ZNF618: variants seen among roughly 807,000 people sequenced by gnomAD.
ZNF618 encodes neural precursor cell expressed, developmentally down-regulated 10.
In ZNF618, 34 loss-of-function variants were observed where a neutral mutation model predicts 103.0. That is an observed-to-expected ratio of 0.33 (90% CI 0.25 to 0.44). The LOEUF (loss-of-function observed/expected upper bound fraction) is 0.44, where lower values mean the gene tolerates loss of function less well. ZNF618 is among the 20% of genes least tolerant of loss of function. ZNF618 has a pLI of 1.00. For missense variants in ZNF618, 1,059 were observed against 1,295.4 expected, an observed-to-expected ratio of 0.82 and a Z score of 2.80; for synonymous variants, 551 against 542.2, an observed-to-expected ratio of 1.02 and a Z score of -0.23.
intron 1 of ZNF618, among the ~76,000 whole-genome samples, chr9:113,935,732 C>T (rs577115446): frequency 1.3e-5 from 2 of 152,254 alleles, no homozygotes; most frequent in Admixed American, 1.3e-4. Context: ...GGACTGCAAA[C>T]TCTTTGAGGG....
At chr9:114,034,546 T>G (rs1011641029) in intron 12 of ZNF618, among the ~76,000 whole-genome samples, 12 of 152,194 alleles carry the variant, frequency 7.9e-5, no homozygotes, top group African/African-American at 2.9e-4. Context: ...CACAGCCCCA[T>G]GGGGGTCAAT....
chr9:113,952,368 C>A (rs1346079460), intron 1 of ZNF618, among the ~76,000 whole-genome samples: 1 of 152,188 alleles, frequency 6.6e-6, no homozygotes, highest in Non-Finnish European at 1.5e-5. Flanking sequence ...CTGATCTGTC[C>A]TTTTGCTCAA....
At chr9:113,886,004 G>C (rs1162447131) in intron 1 of ZNF618, among the ~76,000 whole-genome samples, 2 of 152,184 alleles carry the variant, frequency 1.3e-5, no homozygotes, top group Non-Finnish European at 2.9e-5. Flanking sequence ...AGTGAAGTGA[G>C]CCCTTTGTCA....
rs760506188 is a variant in ZNF618, at chr9:114,049,885, C to T, written c.2583C>T (p.Pro861=). The change falls in exon 15 of 15, where the codon CCC becomes CCT. Residue 861 remains proline (P), a synonymous_variant. Transcript: ENST00000374126. ...KKPRSAAVEN[P]AAQEDDRLGK... is the part of the protein sequence containing the mutation. ...CCCGCTCTGCTGCCGTCGAGAACCCCGCAGCTCAGGAAGATGATCGGCTAG... is the reference window on the plus strand; with the variant it reads ...CCCGCTCTGCTGCCGTCGAGAACCCTGCAGCTCAGGAAGATGATCGGCTAG... 44 of 1,613,814 alleles carry T rather than the reference C, an allele frequency of 2.7e-5. No homozygotes were observed. The highest frequency in any genetic ancestry group is 1.6e-4 in the Middle Eastern group (1 of 6,084).
chr9:113,955,945 A>G (rs1014913894), intron 1 of ZNF618, among the ~76,000 whole-genome samples: 1 of 151,978 alleles, frequency 6.6e-6, no homozygotes, highest in African/African-American at 2.4e-5. Flanking sequence ...TCTGTCTGTA[A>G]AAGAGGAGCA....
intron 2 of ZNF618, among the ~76,000 whole-genome samples, chr9:113,984,434 G>A (rs990965997): frequency 1.3e-5 from 2 of 152,208 alleles, no homozygotes; most frequent in South Asian, 2.1e-4. Context: ...AACAGACAAG[G>A]AAACAGAGGC....
At chr9:113,958,774 C>T (rs1296327199) in intron 1 of ZNF618, among the ~76,000 whole-genome samples, 1 of 152,194 alleles carries the variant, frequency 6.6e-6, no homozygotes, top group Non-Finnish European at 1.5e-5. Context: ...CAGGCTTCGC[C>T]TTGCCTTAGC....
chr9:113,991,756 A>G (rs954598299), intron 3 of ZNF618, among the ~76,000 whole-genome samples: 1 of 152,136 alleles, frequency 6.6e-6, no homozygotes, highest in Non-Finnish European at 1.5e-5. Flanking sequence ...ACCTGTCTGG[A>G]CCTTGGTGTT....
At chr9:113,974,184 G>C (rs1838272303) in intron 2 of ZNF618, among the ~76,000 whole-genome samples, 1 of 152,250 alleles carries the variant, frequency 6.6e-6, no homozygotes, top group African/African-American at 2.4e-5. Context: ...AAGCAGAAGA[G>C]ATTGGGAGAG....
intron 13 of ZNF618, among the ~76,000 whole-genome samples, chr9:114,038,880 A>G (rs572542444): frequency 2.9e-4 from 44 of 152,232 alleles, no homozygotes; most frequent in Non-Finnish European, 5.1e-4. Context: ...TAAAAAAAGT[A>G]TCCAATAGCA....
chr9:114,055,313 A>G lies in ZNF618; in HGVS notation c.*5146A>G, dbSNP rs1173046329. 6.6e-6 allele frequency: 1 copy of G among 152,592 alleles called. No homozygotes were observed. Among genetic ancestry groups the G allele is most frequent in the Non-Finnish European group, 1.5e-5 (1 of 68,078 alleles). The allele number at this position is 152,592 out of a possible 1,614,324, so 9.5% of individuals were successfully genotyped here. On this transcript the variant is annotated 3_prime_UTR_variant, in exon 15 of 15. Transcript: ENST00000374126. The stretch of plus-strand genomic sequence containing the variant: ...GCATCCTACGCGGTGAAACGAGCTC[A>G]TGGACTGACCCGGGGCTGGGCCTCG...
intron 2 of ZNF618, among the ~76,000 whole-genome samples, chr9:113,981,485 A>G (rs1262656892): frequency 6.6e-6 from 1 of 152,224 alleles, no homozygotes; most frequent in Non-Finnish European, 1.5e-5. Flanking sequence ...AATCAACAGC[A>G]GAAATAGGAC....
intron 1 of ZNF618, among the ~76,000 whole-genome samples, chr9:113,948,742 T>C (rs1000128523): frequency 1.3e-5 from 2 of 152,150 alleles, no homozygotes; most frequent in South Asian, 4.1e-4. Context: ...GTCCCTGATG[T>C]TGAAGCAGTG....
At chr9:114,031,052 T>G (rs1180632267) in intron 11 of ZNF618, among the ~76,000 whole-genome samples, 1 of 152,144 alleles carries the variant, frequency 6.6e-6, no homozygotes, top group Non-Finnish European at 1.5e-5. Context: ...CTTGGAGGGT[T>G]AGGAGTACAT....
At chr9:113,932,977 G>A (rs902950375) in intron 1 of ZNF618, among the ~76,000 whole-genome samples, 4 of 152,170 alleles carry the variant, frequency 2.6e-5, no homozygotes, top group Admixed American at 6.5e-5. Context: ...CCTCAGACTC[G>A]GGGAGAGGAG....
intron 1 of ZNF618, among the ~76,000 whole-genome samples, chr9:113,882,947 G>A (rs1828669593): frequency 6.6e-6 from 1 of 152,182 alleles, no homozygotes; most frequent in African/African-American, 2.4e-5. Flanking sequence ...CCCAAACAAT[G>A]TGGACCCACA....
At chr9:113,918,748 T>C (rs1242643361) in intron 1 of ZNF618, among the ~76,000 whole-genome samples, 2 of 152,184 alleles carry the variant, frequency 1.3e-5, no homozygotes, top group Non-Finnish European at 2.9e-5. Flanking sequence ...TGTCATTCTT[T>C]GAGCATTTCT....
intron 2 of ZNF618, among the ~76,000 whole-genome samples, chr9:113,981,630 A>G (rs1441033665): frequency 6.6e-6 from 1 of 152,236 alleles, no homozygotes; most frequent in African/African-American, 2.4e-5. Flanking sequence ...ACCTAGCATC[A>G]GGGCGGACTC....
chr9:113,945,332 C>T (rs940367408), intron 1 of ZNF618, among the ~76,000 whole-genome samples: 3 of 152,174 alleles, frequency 2.0e-5, no homozygotes, highest in Admixed American at 6.5e-5. Context: ...ATTGTTGCCC[C>T]GTGGGATGCT....
Sources: allele counts gnomAD v4.1 joint callset (sites outside exome capture counted in the v4.1 genomes callset), GRCh38; gene constraint gnomAD v4.1.1; transcripts MANE v1.5; gene names NCBI Gene and HGNC (gene_info 2026-07-23, HGNC 2026-07-21).